Variants in NREP observed in about 807,000 individuals in gnomAD.
The protein encoded by NREP is neuronal regeneration-related protein.
NREP carries 5 observed loss-of-function variants against 8.6 expected under a neutral mutation model. The observed-to-expected ratio is 0.58, with a 90% confidence interval of 0.30 to 1.22. The LOEUF (loss-of-function observed/expected upper bound fraction) is 1.22. NREP is among the 50% of genes most tolerant of loss of function. The probability of loss-of-function intolerance (pLI) is 0.07; values close to 1 mark genes in which losing one functional copy is unlikely to be tolerated. For missense variants in NREP, 86 were observed against 82.5 expected (o/e 1.04, Z -0.17); for synonymous variants, 27 against 28.0 (o/e 0.96, Z 0.11).
chr5:111,878,160 C>T (rs1020225457), intron 2 of NREP, among the ~76,000 whole-genome samples: 6 of 152,162 alleles, frequency 3.9e-5, no homozygotes, highest in African/African-American at 1.2e-4. Context: ...CCAAGCTTAG[C>T]TGTATGTTAT....
intron 2 of NREP, among the ~76,000 whole-genome samples, chr5:111,858,261 C>G (rs555902224): frequency 6.6e-6 from 1 of 152,236 alleles, no homozygotes; most frequent in African/African-American, 2.4e-5. Flanking sequence ...ACTTAGAGGT[C>G]TGGGGTGCAT....
intron 2 of NREP, among the ~76,000 whole-genome samples, chr5:111,851,788 C>A (rs1187597267): frequency 1.3e-5 from 2 of 152,094 alleles, no homozygotes; most frequent in Non-Finnish European, 2.9e-5. Flanking sequence ...TCTAATGACA[C>A]AAAATAACTG....
chr5:111,919,669 C>A (rs1195230510), intron 2 of NREP, among the ~76,000 whole-genome samples: 1 of 151,944 alleles, frequency 6.6e-6, no homozygotes, highest in Non-Finnish European at 1.5e-5. Flanking sequence ...GGGAGCTGAA[C>A]AATGAGAACA....
At chr5:111,794,671 G>T (rs923194769) in intron 2 of NREP, among the ~76,000 whole-genome samples, 10 of 152,158 alleles carry the variant, frequency 6.6e-5, no homozygotes, top group Non-Finnish European at 1.5e-4. Context: ...CAGGGGTTTG[G>T]TAAGAGGTGA....
At chr5:111,917,281 C>G (rs1195938457) in intron 2 of NREP, among the ~76,000 whole-genome samples, 1 of 152,128 alleles carries the variant, frequency 6.6e-6, no homozygotes, top group Non-Finnish European at 1.5e-5. Context: ...ACCAGAGGTA[C>G]AAAGAATAGC....
intron 2 of NREP, among the ~76,000 whole-genome samples, chr5:111,743,365 A>G (rs1307443330): frequency 6.6e-6 from 1 of 152,140 alleles, no homozygotes; most frequent in African/African-American, 2.4e-5. Context: ...CTCAAGAAAT[A>G]TATTAATTCA....
chr5:111,884,405 A>G (rs1395742194), intron 2 of NREP, among the ~76,000 whole-genome samples: 2 of 151,926 alleles, frequency 1.3e-5, no homozygotes, highest in Non-Finnish European at 2.9e-5. Context: ...ACAAGGAGGA[A>G]CTGGTACCAT....
intron 2 of NREP, among the ~76,000 whole-genome samples, chr5:111,815,540 T>C (rs1207422011): frequency 6.6e-6 from 1 of 151,774 alleles, no homozygotes; most frequent in African/African-American, 2.4e-5. Flanking sequence ...GATAAAAAGA[T>C]AGAATTTTTC....
intron 2 of NREP, among the ~76,000 whole-genome samples, chr5:111,847,354 A>C (rs117896061): frequency 6.6e-6 from 1 of 152,124 alleles, no homozygotes; most frequent in African/African-American, 2.4e-5. Flanking sequence ...GTAGGGGAAT[A>C]AATCCTACTA....
At chr5:111,884,111 A>G (rs1754170107) in intron 2 of NREP, among the ~76,000 whole-genome samples, 2 of 152,208 alleles carry the variant, frequency 1.3e-5, no homozygotes, top group Admixed American at 1.3e-4. Flanking sequence ...AGAAGAATCA[A>G]ATAGATGCAA....
intron 2 of NREP, among the ~76,000 whole-genome samples, chr5:111,842,193 A>G (rs193003889): frequency 1.3e-5 from 2 of 152,268 alleles, no homozygotes; most frequent in African/African-American, 2.4e-5. Flanking sequence ...AAAGTCTGTG[A>G]TATCTCCACT....
intron 2 of NREP, among the ~76,000 whole-genome samples, chr5:111,871,575 T>C (rs1753791694): frequency 6.6e-6 from 1 of 152,144 alleles, no homozygotes; most frequent in African/African-American, 2.4e-5. Context: ...AACCTAATTT[T>C]AACTTTTTGA....
intron 2 of NREP, among the ~76,000 whole-genome samples, chr5:111,802,686 T>A (rs1253126633): frequency 6.6e-6 from 1 of 152,234 alleles, no homozygotes; most frequent in Non-Finnish European, 1.5e-5. Flanking sequence ...TTTCAGCACA[T>A]GTTAAGGGTT....
At chr5:111,876,666 T>G (rs1753917737) in intron 2 of NREP, among the ~76,000 whole-genome samples, 1 of 152,242 alleles carries the variant, frequency 6.6e-6, no homozygotes, top group South Asian at 2.1e-4. Context: ...GTTGTGAGGA[T>G]GAGGCACAAA....
intron 2 of NREP, among the ~76,000 whole-genome samples, chr5:111,868,601 T>C (rs888983718): frequency 6.6e-6 from 1 of 152,210 alleles, no homozygotes; most frequent in Non-Finnish European, 1.5e-5. Flanking sequence ...GAGGTGAAGA[T>C]GAGAGACAAC....
intron 3 of NREP, among the ~76,000 whole-genome samples, 167 bp from the exon 4 acceptor site, chr5:111,731,213 C>G (rs957384482): frequency 2.0e-5 from 3 of 152,106 alleles, no homozygotes; most frequent in Non-Finnish European, 4.4e-5. Flanking sequence ...CACAGTTCAC[C>G]TGAATGTAAA....
At chr5:111,734,549 T>G in intron 3 of NREP, 1 of 443,858 alleles carries the variant, frequency 2.3e-6, no homozygotes, top group Non-Finnish European at 4.0e-6. Flanking sequence ...AACTGCCAGT[T>G]GATACAACCT....
intron 2 of NREP, among the ~76,000 whole-genome samples, chr5:111,879,670 A>C (rs1753999377): frequency 6.6e-6 from 1 of 152,198 alleles, no homozygotes; most frequent in Non-Finnish European, 1.5e-5. Context: ...GATATACCGT[A>C]GACTGGACAA....
At chr5:111,914,566 C>T (rs550732908) in intron 2 of NREP, among the ~76,000 whole-genome samples, 13 of 152,228 alleles carry the variant, frequency 8.5e-5, no homozygotes, top group South Asian at 8.3e-4. Context: ...CAGTGGAAAC[C>T]GGACACAGCA....
Sources: allele counts gnomAD v4.1 joint callset (sites outside exome capture counted in the v4.1 genomes callset), GRCh38; gene constraint gnomAD v4.1.1; transcripts MANE v1.5; gene names NCBI Gene and HGNC (gene_info 2026-07-23, HGNC 2026-07-21).